Variants in ADAMTS18 observed in about 807,000 individuals in gnomAD.
ADAMTS18 encodes ADAM metallopeptidase with thrombospondin type 1 motif 18.
In ADAMTS18, 157 loss-of-function variants were observed where a neutral mutation model predicts 165.9. The ratio of observed to expected loss-of-function variants is 0.95; its 90% confidence interval spans 0.83 to 1.08. The LOEUF (loss-of-function observed/expected upper bound fraction) is 1.08. ADAMTS18 is among the 50% of genes least tolerant of loss of function. The probability of loss-of-function intolerance (pLI) is 0.00; values close to 1 mark genes in which losing one functional copy is unlikely to be tolerated. For missense variants in ADAMTS18, 2,040 were observed against 1,534.0 expected, an observed-to-expected ratio of 1.33 and a Z score of -5.51; for synonymous variants, 782 against 578.2, an observed-to-expected ratio of 1.35 and a Z score of -5.06.
rs200681259 is a variant in ADAMTS18, at chr16:77,314,649, G to GTA, written c.2532+5198_2532+5199dup. Among the ~76,000 whole-genome samples, 191 of 126,488 alleles carry GTA rather than the reference G, an allele frequency of 1.5e-3. 2 individuals are homozygous for GTA. The highest frequency in any genetic ancestry group is 5.3e-3 in the African/African-American group (170 of 32,120). The allele number at this position is 126,488 out of a possible 152,430, so 83.0% of individuals were successfully genotyped here. ...AATGTGTGTGTATGTGTGTGTGTGT[G>GTA]TATATATATATATGTACATATATAC... On this transcript the variant is annotated intron_variant, in intron 16 of 22. Transcript: ENST00000282849.
chr16:77,433,933 C>G (rs528858375), intron 2 of ADAMTS18, among the ~76,000 whole-genome samples: 1 of 151,064 alleles, frequency 6.6e-6, no homozygotes, highest in South Asian at 2.1e-4. Context: ...CTTAGACATC[C>G]GTAAAACAAG....
intron 3 of ADAMTS18, among the ~76,000 whole-genome samples, chr16:77,382,400 CG>C (rs1195361642): frequency 3.9e-5 from 6 of 152,056 alleles, no homozygotes; most frequent in African/African-American, 9.7e-5. Flanking sequence ...TTAGTAGAGA[CG>C]GGGTTTCACC....
rs2055187978 is a variant in ADAMTS18 at position 77,283,494 on chromosome 16, G to A, written c.*462C>T. Reference sequence around the variant, plus strand: ...AACTCCTGGCTTGGGTGTTCACAGGGTTAGTCGAACTGTGAACTCCACGCA... The same window carrying A: ...AACTCCTGGCTTGGGTGTTCACAGGATTAGTCGAACTGTGAACTCCACGCA... On this transcript the variant is annotated 3_prime_UTR_variant, in exon 23 of 23. Coordinates refer to ENST00000282849, the MANE Select transcript of ADAMTS18 (RefSeq NM_199355.4). 1 of 182,096 alleles carries A rather than the reference G, an allele frequency of 5.5e-6. No individual in the cohort carries two copies. The highest frequency in any genetic ancestry group is 1.2e-5 in the Non-Finnish European group (1 of 86,422). 11.3% of individuals were successfully genotyped at this position (182,096 alleles called of 1,614,324 possible).
intron 16 of ADAMTS18, among the ~76,000 whole-genome samples, chr16:77,314,787 A>T (rs74025796): frequency 0.46 from 21,322 of 46,082 alleles, 5,799 homozygotes; most frequent in Non-Finnish European, 0.52. Context: ...TATATATATA[A>T]AATATATGTG....
At chr16:77,321,001 CA>C in intron 15 of ADAMTS18, 77 bp downstream of exon 15, 1 of 1,579,832 alleles carries the variant, frequency 6.3e-7, no homozygotes, top group African/African-American at 1.3e-5. Flanking sequence ...AAGGCTCAAC[CA>C]CATTTGGCGT....
chr16:77,324,341 A>G (rs2056056731), intron 13 of ADAMTS18, among the ~76,000 whole-genome samples: 1 of 152,250 alleles, frequency 6.6e-6, no homozygotes, highest in African/African-American at 2.4e-5. Context: ...GAAATCACTC[A>G]GCTCCTGGTA....
At position 77,363,605 on chromosome 16, in the gene ADAMTS18, T is replaced by A. The variant is rs867360146; in HGVS notation, c.1056+197A>T. Among the ~76,000 whole-genome samples the A allele has an allele frequency of 1.1e-3, 162 of 151,850 alleles. 1 individual carries two copies. Among genetic ancestry groups the A allele is most frequent in the African/African-American group, 3.7e-3 (152 of 41,494 alleles). ...ATATGCATATATAAATATATTTAAA[T>A]ATAAATATTTTTCTGGTGCTTTAGT... is the stretch of plus-strand genomic sequence containing the variant. On this transcript the variant is annotated intron_variant, in intron 6 of 22. Coordinates refer to ENST00000282849, the MANE Select transcript of ADAMTS18 (RefSeq NM_199355.4).
chr16:77,397,097 C>T (rs2057267950), intron 3 of ADAMTS18, among the ~76,000 whole-genome samples: 1 of 152,214 alleles, frequency 6.6e-6, no homozygotes, highest in Non-Finnish European at 1.5e-5. Context: ...GCGTGAGCCA[C>T]CACGGCCGGC....
At chr16:77,325,687 A>C (rs1245045791) in intron 13 of ADAMTS18, among the ~76,000 whole-genome samples, 179 bp downstream of exon 13, 1 of 152,026 alleles carries the variant, frequency 6.6e-6, no homozygotes, top group East Asian at 1.9e-4. Context: ...GGAAAAAAAA[A>C]AAAACAACAG....
intron 22 of ADAMTS18, among the ~76,000 whole-genome samples, chr16:77,285,666 GC>G (rs1210097039): frequency 6.6e-6 from 1 of 152,106 alleles, no homozygotes; most frequent in Non-Finnish European, 1.5e-5. Flanking sequence ...CAGTATAAGT[GC>G]TTTTTTTGAT....
intron 16 of ADAMTS18, among the ~76,000 whole-genome samples, chr16:77,312,168 G>A (rs942367292): frequency 1.3e-5 from 2 of 151,856 alleles, no homozygotes; most frequent in Non-Finnish European, 2.9e-5. Context: ...TTGATGAACC[G>A]GATCAATTCG....
At chr16:77,336,744 G>A (rs879941754) in intron 11 of ADAMTS18, among the ~76,000 whole-genome samples, 8 of 152,148 alleles carry the variant, frequency 5.3e-5, no homozygotes, top group Admixed American at 4.6e-4. Context: ...CCTAGGGGAT[G>A]CATTAGCCTC....
intron 3 of ADAMTS18, among the ~76,000 whole-genome samples, chr16:77,371,089 C>A (rs185238913): frequency 2.0e-4 from 31 of 152,066 alleles, no homozygotes; most frequent in African/African-American, 7.0e-4. Context: ...GTGGTGCATG[C>A]CTGTGGTACC....
At chr16:77,332,616 C>A (rs1597133073) in intron 12 of ADAMTS18, among the ~76,000 whole-genome samples, 1 of 152,206 alleles carries the variant, frequency 6.6e-6, no homozygotes, top group South Asian at 2.1e-4. Flanking sequence ...TCGCCAAAAT[C>A]TGGGCTCTGT....
chr16:77,308,947 A>G (rs1327814055), intron 16 of ADAMTS18, among the ~76,000 whole-genome samples: 1 of 152,216 alleles, frequency 6.6e-6, no homozygotes, highest in African/African-American at 2.4e-5. Context: ...CCCAAACCCA[A>G]TAAAATAAAC....
chr16:77,428,003 G>T (rs1226986331), intron 3 of ADAMTS18, among the ~76,000 whole-genome samples: 1 of 152,114 alleles, frequency 6.6e-6, no homozygotes, highest in Admixed American at 6.6e-5. Context: ...CAAGATAATG[G>T]TAGATTCCTA....
intron 19 of ADAMTS18, among the ~76,000 whole-genome samples, chr16:77,293,651 GGGTC>G (rs1345146295): frequency 2.6e-5 from 4 of 151,584 alleles, no homozygotes; most frequent in African/African-American, 4.9e-5. Context: ...TTTGGCACCA[GGGTC>G]GGCTTTTGCA....
At position 77,356,003 on chromosome 16, in the gene ADAMTS18, G is replaced by A. The variant is rs747733407; in HGVS notation, c.1397C>T (p.Thr466Ile). Residue 466 changes from threonine to isoleucine, a missense_variant, in exon 9 of 23, where the codon ACC becomes ATC. Physicochemically the swap from Thr to Ile is moderately conservative, Grantham distance 89. Coordinates refer to ENST00000282849, the MANE Select transcript of ADAMTS18 (RefSeq NM_199355.4). ...CCATGAAAACACTCCATTGTTTCCG[G>A]TCAGTGTGGGAGACATGATATTGCC... ...AEGNIMSPTLTGNNGVFSWSS... is the reference protein window; with the variant it reads ...AEGNIMSPTLIGNNGVFSWSS... 6 of 1,614,090 alleles carry A rather than the reference G, an allele frequency of 3.7e-6. No individual in the cohort carries two copies. Among genetic ancestry groups the A allele is most frequent in the East Asian group, 2.2e-5 (1 of 44,850 alleles).
chr16:77,426,761 C>G (rs755303849), intron 3 of ADAMTS18, among the ~76,000 whole-genome samples: 3 of 152,124 alleles, frequency 2.0e-5, no homozygotes, highest in Admixed American at 1.3e-4. Context: ...GTGGCTCAAG[C>G]CTGGTAATCC....
Sources: allele counts gnomAD v4.1 joint callset (sites outside exome capture counted in the v4.1 genomes callset), GRCh38; gene constraint gnomAD v4.1.1; transcripts MANE v1.5; gene names NCBI Gene and HGNC (gene_info 2026-07-23, HGNC 2026-07-21).